Variants in FAM131C observed in about 807,000 individuals in gnomAD.
FAM131C encodes the protein family with sequence similarity 131 member C, also known as protein FAM131C.
A neutral mutation model predicts 29.8 loss-of-function variants in FAM131C; 14 were observed. The observed-to-expected ratio is 0.47, with a 90% CI of 0.31 to 0.73. FAM131C has a LOEUF of 0.73. Ranked by LOEUF, FAM131C falls within the 30% of genes least tolerant of loss-of-function variation. FAM131C has a pLI of 0.05. For missense variants in FAM131C, 252 were observed against 383.8 expected, an observed-to-expected ratio of 0.66 and a Z score of 2.87; for synonymous variants, 86 against 157.8, an observed-to-expected ratio of 0.54 and a Z score of 3.41.
chr1:16,073,544 G>A lies in FAM131C; in HGVS notation c.-102C>T, dbSNP rs1392794385. 6.9e-6 allele frequency: 4 copies of A among 576,810 alleles called. No individual in the cohort carries two copies. Among genetic ancestry groups the A allele is most frequent in the Non-Finnish European group, 9.7e-6 (4 of 413,620 alleles). The allele number at this position is 576,810 out of a possible 1,614,324, so 35.7% of individuals were successfully genotyped here. ...GCTGAGCGCTGCGGAGCCAGAGGAC[G>A]GGCGGGGCGGGGGGCTCGGGCGCCC... is the stretch of plus-strand genomic sequence containing the variant. On this transcript the variant is annotated 5_prime_UTR_variant, in exon 1 of 7. Coordinates refer to ENST00000375662, the MANE Select transcript of FAM131C (RefSeq NM_182623.3).
chr1:16,062,243 A>G, intron 3 of FAM131C, 51 bp from the exon 4 acceptor site: 4 of 1,571,154 alleles, frequency 2.5e-6, no homozygotes, highest in Non-Finnish European at 3.5e-6. Context: ...CTGCCGGCCG[A>G]CATCCCTCCA....
intron 1 of FAM131C, among the ~76,000 whole-genome samples, chr1:16,066,458 C>T (rs2023684704): frequency 6.6e-6 from 1 of 152,222 alleles, no homozygotes; most frequent in Admixed American, 6.5e-5. Context: ...TCCTGAGTCC[C>T]TGCTGTGTGA....
At chr1:16,063,723 G>C (rs1380435312) in intron 1 of FAM131C, 87 bp from the exon 2 acceptor site, 1 of 813,660 alleles carries the variant, frequency 1.2e-6, no homozygotes, top group Non-Finnish European at 1.9e-6. Flanking sequence ...CGTAAGGTGA[G>C]TATGGCCTTG....
rs374982892 is a variant in FAM131C, at chr1:16,057,874, C to G, written c.*563G>C. ...TCCCAGGGGTGAGGAGCAGGGGACA[C>G]GGAGGAAGCAGGTTCAGAGAGGGAG... On this transcript the variant is annotated 3_prime_UTR_variant, in exon 7 of 7. Transcript: ENST00000375662. 1 of 157,832 alleles carries G rather than the reference C, an allele frequency of 6.3e-6. No individual in the cohort carries two copies. Among genetic ancestry groups the G allele is most frequent in the South Asian group, 1.9e-4 (1 of 5,378 alleles). The allele number at this position is 157,832 out of a possible 1,614,324, so 9.8% of individuals were successfully genotyped here.
chr1:16,061,466 C>T (rs1307092752), intron 4 of FAM131C, among the ~76,000 whole-genome samples: 1 of 152,130 alleles, frequency 6.6e-6, no homozygotes, highest in Non-Finnish European at 1.5e-5. Context: ...CTGCTGTCAG[C>T]TCACACCCTT....
chr1:16,068,667 C>T (rs1351341890), intron 1 of FAM131C, among the ~76,000 whole-genome samples: 1 of 152,218 alleles, frequency 6.6e-6, no homozygotes, highest in Non-Finnish European at 1.5e-5. Context: ...AATAGCTCAT[C>T]TGTGGGTTGG....
At chr1:16,060,710 A>G (rs960098400) in intron 4 of FAM131C, among the ~76,000 whole-genome samples, 2 of 152,154 alleles carry the variant, frequency 1.3e-5, no homozygotes, top group African/African-American at 4.8e-5. Context: ...GCTGGGGTGA[A>G]ACATGGGGTC....
chr1:16,070,525 C>T lies in FAM131C; in HGVS notation c.22+2896G>A, dbSNP rs192388817. Among the ~76,000 whole-genome samples, 28 of 152,242 alleles carry T rather than the reference C, an allele frequency of 1.8e-4. 1 individual carries two copies. In the East Asian group the frequency reaches 5.0e-3, roughly 27 times the overall value. On this transcript the variant is annotated intron_variant, in intron 1 of 6. Transcript: ENST00000375662. ...AAAAATTAAAGGCCGGGTGCAGTGG[C>T]TCACACCTGTAATCCCAGCACTTTG...
chr1:16,060,388 C>A (rs2023577554), intron 4 of FAM131C, among the ~76,000 whole-genome samples: 1 of 134,144 alleles, frequency 7.5e-6, no homozygotes, highest in African/African-American at 2.5e-5. Context: ...GGCCACACCC[C>A]TCACTCCCTT....
intron 1 of FAM131C, among the ~76,000 whole-genome samples, chr1:16,066,961 T>A (rs1304112522): frequency 6.6e-6 from 1 of 152,158 alleles, no homozygotes; most frequent in Non-Finnish European, 1.5e-5. Context: ...CCCCTGGCCA[T>A]CCCCTGAAGC....
chr1:16,064,494 G>A (rs2023648916), intron 1 of FAM131C, among the ~76,000 whole-genome samples: 2 of 152,060 alleles, frequency 1.3e-5, no homozygotes, highest in African/African-American at 4.8e-5. Context: ...CCCTCCTGCG[G>A]TGTCACTGTG....
intron 1 of FAM131C, among the ~76,000 whole-genome samples, chr1:16,064,102 G>A (rs530228611): frequency 5.3e-5 from 8 of 152,136 alleles, no homozygotes; most frequent in Admixed American, 2.0e-4. Context: ...GAAAGTGACC[G>A]CTGCATGCGA....
intron 4 of FAM131C, among the ~76,000 whole-genome samples, chr1:16,061,855 A>C (rs1236495671): frequency 2.0e-5 from 3 of 148,340 alleles, no homozygotes; most frequent in Non-Finnish European, 4.5e-5. Context: ...CATCTGAAAA[A>C]CTCTGCCCCA....
chr1:16,064,761 T>G (rs887477033), intron 1 of FAM131C, among the ~76,000 whole-genome samples: 6 of 152,198 alleles, frequency 3.9e-5, no homozygotes, highest in African/African-American at 1.4e-4. Flanking sequence ...ATCTACTTCC[T>G]CGTCCTCCAC....
chr1:16,062,222 G>T (rs1459823220), intron 3 of FAM131C, 30 bp from the exon 4 acceptor site: 2 of 1,598,678 alleles, frequency 1.3e-6, no homozygotes, highest in Non-Finnish European at 1.7e-6. Context: ...GAGTGAGCAG[G>T]GTGGGCCAGG....
At chr1:16,061,949 A>G in intron 4 of FAM131C, 150 bp downstream of exon 4, 2 of 759,080 alleles carry the variant, frequency 2.6e-6, no homozygotes, top group Non-Finnish European at 4.2e-6. Flanking sequence ...GACCCGCATA[A>G]CCCAGCATGG....
rs535506100 is a variant in FAM131C, at chr1:16,072,673, CTG to C, written c.22+746_22+747del. On this transcript the variant is annotated intron_variant, in intron 1 of 6. Coordinates refer to ENST00000375662, the MANE Select transcript of FAM131C (RefSeq NM_182623.3). Reference sequence around the variant, plus strand: ...CCCATCCCCCAATCTCTGTGCAAGACTGTGTGTCCCCTCCTCACAGATAGAAG... The same window carrying C: ...CCCATCCCCCAATCTCTGTGCAAGACTGTGTCCCCTCCTCACAGATAGAAG... Among the ~76,000 whole-genome samples the C allele has an allele frequency of 2.4e-3, 372 of 152,270 alleles. 1 individual carries two copies. The highest frequency in any genetic ancestry group is 8.7e-3 in the African/African-American group (361 of 41,560).
intron 1 of FAM131C, among the ~76,000 whole-genome samples, chr1:16,071,364 C>T (rs1352003999): frequency 6.6e-6 from 1 of 152,252 alleles, no homozygotes; most frequent in Non-Finnish European, 1.5e-5. Flanking sequence ...CCACTGCCCT[C>T]TGCCTCAGTT....
At chr1:16,067,205 C>G (rs931772831) in intron 1 of FAM131C, among the ~76,000 whole-genome samples, 1 of 152,222 alleles carries the variant, frequency 6.6e-6, no homozygotes, top group Non-Finnish European at 1.5e-5. Context: ...CCTGCTCCCC[C>G]TGAGGACTTT....
Sources: gnomAD v4.1 joint callset for allele counts (sites outside exome capture counted in the v4.1 genomes callset) on GRCh38, gnomAD v4.1.1 for gene constraint, MANE v1.5 for transcripts, NCBI Gene and HGNC (gene_info 2026-07-23, HGNC 2026-07-21) for gene names.